PHACTR2: variants seen among roughly 807,000 people sequenced by gnomAD.
PHACTR2 encodes chromosome 6 open reading frame 56.
A neutral mutation model predicts 76.0 loss-of-function variants in PHACTR2; 30 were observed. The observed-to-expected ratio is 0.39, with a 90% CI of 0.30 to 0.54. The LOEUF (loss-of-function observed/expected upper bound fraction) is 0.54. PHACTR2 is among the 20% of genes least tolerant of loss of function. The pLI, the probability that PHACTR2 is intolerant of heterozygous loss-of-function variation, is 0.61. For missense variants in PHACTR2, 696 were observed against 781.1 expected (o/e 0.89, Z 1.30); for synonymous variants, 292 against 292.5 (o/e 1.00, Z 0.02).
In PHACTR2 at chr6:143,788,859, C is replaced by G; in HGVS notation, c.1794C>G (p.Asp598Glu). Reference sequence around the variant, plus strand: ...ATGTAGAAGTCACGGATTCTCCTGACTATGACCGCCGAGCAGACAAGCCCT... The same window carrying G: ...ATGTAGAAGTCACGGATTCTCCTGAGTATGACCGCCGAGCAGACAAGCCCT... ...NEYVEVTDSPDYDRRADKPWA... is the reference protein window; with the variant it reads ...NEYVEVTDSPEYDRRADKPWA... Residue 598 changes from aspartate to glutamate, a missense_variant, in exon 11 of 13, where the codon GAC becomes GAG. By Grantham distance (45) the Asp-to-Glu change is conservative (BLOSUM62 2). Transcript: ENST00000440869. 1 of 1,613,800 alleles carries G rather than the reference C, an allele frequency of 6.2e-7. No individual in the cohort carries two copies. The highest frequency in any genetic ancestry group is 8.5e-7 in the Non-Finnish European group (1 of 1,179,702).
intron 2 of PHACTR2, among the ~76,000 whole-genome samples, chr6:143,718,875 GTTTTTTTTTTTTT>G (rs1226236202): frequency 8.1e-6 from 1 of 123,510 alleles, no homozygotes; most frequent in African/African-American, 2.8e-5. Context: ...AGTTGGAAGT[GTTTTTTTTTTTTT>G]TTTTTTTTTT....
chr6:143,781,964 G>A (rs925637573), intron 9 of PHACTR2, among the ~76,000 whole-genome samples: 2 of 152,124 alleles, frequency 1.3e-5, no homozygotes, highest in African/African-American at 4.8e-5. Context: ...ACTTTTCCCT[G>A]TTCAGAGAAG....
intron 1 of PHACTR2, among the ~76,000 whole-genome samples, chr6:143,670,667 TC>T: frequency 6.6e-6 from 1 of 152,272 alleles, no homozygotes; most frequent in South Asian, 2.1e-4. Context: ...TTCATGAAGT[TC>T]TTGTGCTGTG....
intron 1 of PHACTR2, among the ~76,000 whole-genome samples, chr6:143,614,607 C>T (rs1341366705): frequency 1.3e-5 from 2 of 152,120 alleles, no homozygotes; most frequent in African/African-American, 4.8e-5. Flanking sequence ...ATTTCATGTA[C>T]ATGAAATTCC....
Position 143,772,334 on chromosome 6 carries a change from T to G in PHACTR2, c.1309T>G (p.Ser437Ala). 1.9e-6 allele frequency: 3 copies of G among 1,613,578 alleles called. No homozygotes were observed. The highest frequency in any genetic ancestry group is 1.7e-6 in the Non-Finnish European group (2 of 1,179,516). Residue 437 changes from serine to alanine, a missense_variant, in exon 7 of 13, where the codon TCC (serine) becomes GCC (alanine). Physicochemically the swap from Ser to Ala is moderately conservative, Grantham distance 99. Around this residue, in one of 2 missense-constraint regions of PHACTR2, gnomAD observed 236 missense variants for 330.2 expected, o/e 0.71. Coordinates refer to ENST00000440869, the MANE Select transcript of PHACTR2 (RefSeq NM_001100164.2). This position sits in a 1 kb window ranked among gnomAD's most constrained non-coding sequence, Gnocchi z 5.4. ...TPGLMGESSE[S>A]FSASEDEGHR... ...TGGGCTGATGGGCGAATCTTCAGAA[T>G]CCTTTAGTGCCTCAGAAGATGAAGG...
At chr6:143,721,994 C>T (rs1000306408) in intron 2 of PHACTR2, among the ~76,000 whole-genome samples, 1 of 152,172 alleles carries the variant, frequency 6.6e-6, no homozygotes, top group Admixed American at 6.5e-5. Flanking sequence ...ATTTCTACTT[C>T]ACCAACCACA....
intron 10 of PHACTR2, 24 bp from the exon 11 acceptor site, chr6:143,788,749 G>T: frequency 6.3e-7 from 1 of 1,596,182 alleles, no homozygotes; most frequent in Non-Finnish European, 8.6e-7. Context: ...ACTGAACTCT[G>T]CCTTTTTCCT....
Position 143,783,227 on chromosome 6 carries a change from G to A in PHACTR2, c.1654G>A (p.Glu552Lys). 1 of 1,602,808 alleles carries A rather than the reference G, an allele frequency of 6.2e-7. No individual in the cohort carries two copies. Among genetic ancestry groups the A allele is most frequent in the Non-Finnish European group, 8.5e-7 (1 of 1,170,384 alleles). The part of the protein sequence containing the change: ...EQRNILKQKN[E>K]EEEQEAKMEL... ...CCTCCTTTAATAAACAGAAAAGAAT[G>A]AAGAAGAGGAACAAGAAGCAAAAAT... is the stretch of plus-strand genomic sequence containing the variant. The change falls in exon 10 of 13, where the codon GAA becomes AAA. Residue 552 changes from glutamate to lysine, a missense_variant. Physicochemically the swap from Glu to Lys is moderately conservative, Grantham distance 56. This residue lies in a region of PHACTR2 where 236 missense variants were observed against 330.2 expected (regional missense o/e 0.71). Transcript: ENST00000440869. The surrounding 1 kb of genome is among the most constrained non-coding windows in gnomAD (Gnocchi z 5.2).
chr6:143,615,226 C>A (rs1234619785), intron 1 of PHACTR2, among the ~76,000 whole-genome samples: 1 of 152,096 alleles, frequency 6.6e-6, no homozygotes, highest in Admixed American at 6.5e-5. Context: ...TTGAATCTAG[C>A]CTTTTGTAAC....
In PHACTR2 at chr6:143,558,221, A is replaced by T. The variant is rs2128428645; in HGVS notation, c.217+21014A>T. The T allele has an allele frequency of 6.6e-6, 1 of 152,178 alleles. No homozygotes were observed. Among genetic ancestry groups the T allele is most frequent in the African/African-American group, 2.4e-5 (1 of 41,560 alleles). 9.4% of individuals were successfully genotyped at this position (152,178 alleles called of 1,614,324 possible). A position where few individuals can be genotyped will look rare whatever the true frequency, so the allele number is the denominator to read the frequency against. On this transcript the variant is annotated intron_variant, in intron 1 of 11. Coordinates refer to the PHACTR2 transcript ENST00000367584. The surrounding 1 kb of genome is among the most constrained non-coding windows in gnomAD (Gnocchi z 4.7). ...TCTTATTCAAAGTGTAAGAAAAAAA[A>T]GTTATCCTGGATATATTTGATGATA...
At chr6:143,714,836 A>G (rs537729817) in intron 2 of PHACTR2, among the ~76,000 whole-genome samples, 11 of 152,154 alleles carry the variant, frequency 7.2e-5, no homozygotes, top group Non-Finnish European at 1.3e-4. Context: ...TTTCCCCTAC[A>G]TAATCATTTT....
At position 143,611,666 on chromosome 6, in the gene PHACTR2, C is replaced by T. The variant is rs377728728; in HGVS notation, c.13+3344C>T. Reference sequence around the variant, plus strand: ...TATGGCAGCATACAATGCATGTTGGCGTTTTAGAGAGTCATCAAAAGATTG... The same window carrying T: ...TATGGCAGCATACAATGCATGTTGGTGTTTTAGAGAGTCATCAAAAGATTG... On this transcript the variant is annotated intron_variant, in intron 1 of 11. Coordinates refer to the PHACTR2 transcript ENST00000305766. This position sits in a 1 kb window ranked among gnomAD's most constrained non-coding sequence, Gnocchi z 4.4. 1.3e-5 allele frequency among the ~76,000 whole-genome samples: 2 copies of T among 152,108 alleles called. No individual in the cohort carries two copies. Among genetic ancestry groups the T allele is most frequent in the South Asian group, 4.1e-4 (2 of 4,824 alleles).
chr6:143,773,128 G>A (rs1490972543), intron 7 of PHACTR2, among the ~76,000 whole-genome samples: 5 of 152,070 alleles, frequency 3.3e-5, no homozygotes, highest in African/African-American at 7.2e-5. Flanking sequence ...CAGGAGAATC[G>A]CTTGAACCCA....
At position 143,718,251 on chromosome 6, in the gene PHACTR2, C is replaced by G. The variant is rs527801259; in HGVS notation, c.214+6068C>G. Reference sequence around the variant, plus strand: ...ATGCTGTTAGGTACCAGGTTCTGCTCCAAGAACTTGATTCATATTAACTCA... The same window carrying G: ...ATGCTGTTAGGTACCAGGTTCTGCTGCAAGAACTTGATTCATATTAACTCA... On this transcript the variant is annotated intron_variant, in intron 2 of 12. Transcript: ENST00000440869. Among the ~76,000 whole-genome samples the G allele has an allele frequency of 4.6e-5, 7 of 152,234 alleles. No homozygotes were observed. In the South Asian group the frequency reaches 1.5e-3, roughly 32 times the overall value.
chr6:143,712,916 T>TA (rs1778212770), intron 2 of PHACTR2, among the ~76,000 whole-genome samples: 1 of 152,266 alleles, frequency 6.6e-6, no homozygotes, highest in East Asian at 1.9e-4. Flanking sequence ...AAGCTGGCTT[T>TA]AAATCTCAGG....
At chr6:143,670,889 G>A (rs965088745) in intron 1 of PHACTR2, among the ~76,000 whole-genome samples, 3 of 151,536 alleles carry the variant, frequency 2.0e-5, no homozygotes, top group South Asian at 2.1e-4. Flanking sequence ...CCTTGCTGGC[G>A]AGGAGTTCTG....
intron 1 of PHACTR2, among the ~76,000 whole-genome samples, chr6:143,630,953 G>C (rs923319134): frequency 6.6e-6 from 1 of 152,072 alleles, no homozygotes; most frequent in African/African-American, 2.4e-5. Flanking sequence ...ATGGCTGCTC[G>C]AAGTGACACA....
chr6:143,775,864 C>G lies in PHACTR2; in HGVS notation c.1590-1464C>G, dbSNP rs960565688. ...AGTTTTTGTTAAAATCCTAAACAAA[C>G]GAGGAGTTGTAATCCCAGCACTTTG... On this transcript the variant is annotated intron_variant, in intron 8 of 12. Coordinates refer to ENST00000440869, the MANE Select transcript of PHACTR2 (RefSeq NM_001100164.2). This position sits in a 1 kb window ranked among gnomAD's most constrained non-coding sequence, Gnocchi z 4.4. Among the ~76,000 whole-genome samples, 1 of 152,126 alleles carries G rather than the reference C, an allele frequency of 6.6e-6. No homozygotes were observed. The highest frequency in any genetic ancestry group is 2.4e-5 in the African/African-American group (1 of 41,422).
In PHACTR2 at chr6:143,663,342, C is replaced by T. The variant is rs572655099; in HGVS notation, c.14-48674C>T. ...ATGCTGAGTGAAGGCTTGCCCTCCC[C>T]GTGGATGAATGAAGTACTGAATATC... On this transcript the variant is annotated intron_variant, in intron 1 of 11. Coordinates refer to the PHACTR2 transcript ENST00000305766. The surrounding 1 kb of genome is among the most constrained non-coding windows in gnomAD (Gnocchi z 4.1). Among the ~76,000 whole-genome samples, 9 of 152,314 alleles carry T rather than the reference C, an allele frequency of 5.9e-5. No individual in the cohort carries two copies. The highest frequency in any genetic ancestry group is 2.2e-4 in the African/African-American group (9 of 41,574).
Sources: gnomAD v4.1 joint callset for allele counts (sites outside exome capture counted in the v4.1 genomes callset) on GRCh38, gnomAD v4.1.1 for gene constraint, gnomAD v4.1.1 regional missense constraint, Gnocchi (gnomAD v3.1) non-coding constraint, MANE v1.5 for transcripts, NCBI Gene and HGNC (gene_info 2026-07-23, HGNC 2026-07-21) for gene names.